The following RBM33 variants were observed in gnomAD, a reference collection of about 807,000 sequenced individuals.
The protein encoded by RBM33 is RNA-binding protein 33.
RBM33 carries 28 observed loss-of-function variants against 132.6 expected under a neutral mutation model. The ratio of observed to expected loss-of-function variants is 0.21; its 90% CI spans 0.16 to 0.29. RBM33 has a LOEUF of 0.29. Ranked by LOEUF, RBM33 falls within the 10% of genes least tolerant of loss-of-function variation. The pLI is 1.00. For synonymous variants in RBM33, 634 were observed against 593.0 expected (o/e 1.07, Z -1.01); for missense variants, 1,291 against 1,518.5 (o/e 0.85, Z 2.49).
chr7:155,738,447 T>C (rs577890634), intron 11 of RBM33, 44 bp downstream of exon 11: 66 of 1,532,476 alleles, frequency 4.3e-5, no homozygotes, highest in Non-Finnish European at 5.5e-5. Flanking sequence ...ATGTGTAGCT[T>C]CAAGGCTTTG....
At chr7:155,728,726 T>TG (rs1800865431) in intron 9 of RBM33, among the ~76,000 whole-genome samples, 1 of 152,170 alleles carries the variant, frequency 6.6e-6, no homozygotes, top group African/African-American at 2.4e-5. Flanking sequence ...CTTACATATG[T>TG]GATGATAAAA....
At chr7:155,682,831 T>G (rs2116926856) in intron 5 of RBM33, among the ~76,000 whole-genome samples, 1 of 152,338 alleles carries the variant, frequency 6.6e-6, no homozygotes, top group East Asian at 1.9e-4. Context: ...CTCTCTGGTA[T>G]TCCATTGTCA....
At position 155,680,598 on chromosome 7, in the gene RBM33, G is replaced by T. The variant is rs1339506155; in HGVS notation, c.257G>T (p.Gly86Val). The change falls in exon 5 of 18, where the codon GGT becomes GTT. Residue 86 changes from glycine (G) to valine (V), a missense_variant. Gly to Val is a moderately radical substitution (Grantham distance 109, BLOSUM62 -3). Around this residue, in one of 7 missense-constraint regions of RBM33, gnomAD observed 194 missense variants for 249.8 expected, o/e 0.78. Transcript: ENST00000401878. Reference protein sequence around the residue: ...NEDEENFSSQGVTISLNATSG... With the variant: ...NEDEENFSSQVVTISLNATSG... ...ATTTTCGTCCTCTCTAGTTCTCAGG[G>T]TGTTACAATTAGTCTGAATGCTACA... The T allele has an allele frequency of 2.5e-6, 4 of 1,592,820 alleles. No individual in the cohort carries two copies. The highest frequency in any genetic ancestry group is 1.3e-5 in the African/African-American group (1 of 74,632).
chr7:155,771,888 C>T (rs753107912), intron 16 of RBM33, among the ~76,000 whole-genome samples: 30 of 152,104 alleles, frequency 2.0e-4, no homozygotes, highest in Non-Finnish European at 3.5e-4. Context: ...TAGAGGTGTA[C>T]ACCACTGGGC....
At chr7:155,741,541 C>G (rs987082094) in intron 12 of RBM33, among the ~76,000 whole-genome samples, 3 of 152,132 alleles carry the variant, frequency 2.0e-5, no homozygotes, top group Admixed American at 6.5e-5. Flanking sequence ...TGCTAAAGAT[C>G]AGCCTGGTGT....
chr7:155,718,404 G>T lies in RBM33; in HGVS notation c.1221G>T (p.Pro407=). The change falls in exon 9 of 18, where the codon CCG becomes CCT. Residue 407 remains proline, a synonymous_variant. Transcript: ENST00000401878. ...TTGCAGTGCCCTTGCTACCAGTTCC[G>T]AGCCAGCCGAGACCTGCCGTGGGAC... The part of the protein sequence containing the change: ...TPVQVPLLPV[P]SQPRPAVGPQ... The T allele has an allele frequency of 6.2e-7, 1 of 1,613,762 alleles. No homozygotes were observed. The highest frequency in any genetic ancestry group is 1.1e-5 in the South Asian group (1 of 91,058).
intron 12 of RBM33, among the ~76,000 whole-genome samples, chr7:155,741,154 G>T (rs1801319209): frequency 6.6e-6 from 1 of 152,106 alleles, no homozygotes; most frequent in Non-Finnish European, 1.5e-5. Flanking sequence ...ATAATGGTAG[G>T]CTAGTCTCAT....
intron 5 of RBM33, among the ~76,000 whole-genome samples, chr7:155,697,518 T>G (rs1799828238): frequency 6.6e-6 from 1 of 152,150 alleles, no homozygotes; most frequent in Non-Finnish European, 1.5e-5. Context: ...CATTAAAAAC[T>G]TAGTGAGCTT....
At chr7:155,663,503 A>G (rs1185245610) in intron 1 of RBM33, among the ~76,000 whole-genome samples, 2 of 152,160 alleles carry the variant, frequency 1.3e-5, no homozygotes, top group Non-Finnish European at 2.9e-5. Flanking sequence ...TACAACAACC[A>G]GATATCCAGA....
At chr7:155,683,035 A>G (rs1799378759) in intron 5 of RBM33, among the ~76,000 whole-genome samples, 1 of 151,732 alleles carries the variant, frequency 6.6e-6, no homozygotes, top group Non-Finnish European at 1.5e-5. Context: ...AAATTCTGGA[A>G]GTGTTCTGAT....
intron 16 of RBM33, among the ~76,000 whole-genome samples, chr7:155,772,893 G>A (rs1802477351): frequency 6.6e-6 from 1 of 152,074 alleles, no homozygotes; most frequent in Admixed American, 6.5e-5. Context: ...ACCTTTTTCG[G>A]GAGTGTTTGA....
intron 1 of RBM33, among the ~76,000 whole-genome samples, chr7:155,657,300 A>G (rs980929179): frequency 1.2e-4 from 18 of 152,288 alleles, no homozygotes; most frequent in African/African-American, 4.3e-4. Context: ...GCGCTGATGC[A>G]CAGTGTGAGA....
At chr7:155,680,442 CT>C (rs1360402573) in intron 4 of RBM33, 147 bp from the exon 5 acceptor site, 29 of 642,952 alleles carry the variant, frequency 4.5e-5, no homozygotes, top group Non-Finnish European at 5.8e-5. Context: ...ATTTTGAGTA[CT>C]GTTGGAGTTA....
chr7:155,658,567 G>A (rs1232475251), intron 1 of RBM33, among the ~76,000 whole-genome samples: 4 of 151,806 alleles, frequency 2.6e-5, no homozygotes, highest in Non-Finnish European at 5.9e-5. Context: ...AGCCTGGCTA[G>A]TTTTTGTATT....
rs370947427 is a variant in RBM33 at position 155,710,838 on chromosome 7, TG to T, written c.949-364del. On this transcript the variant is annotated intron_variant, in intron 7 of 17. Transcript: ENST00000401878. ...GATGCAAGGCTGCTACAGGGAGGGC[TG>T]TGGCAGCTGCTCTTCTGTCCCTGGC... is the stretch of plus-strand genomic sequence containing the variant. 4.3e-3 allele frequency among the ~76,000 whole-genome samples: 646 copies of T among 151,974 alleles called. 8 individuals carry two copies. The highest frequency in any genetic ancestry group is 0.015 in the African/African-American group (613 of 41,426).
At chr7:155,728,751 C>G (rs1017600042) in intron 9 of RBM33, among the ~76,000 whole-genome samples, 6 of 152,146 alleles carry the variant, frequency 3.9e-5, no homozygotes, top group African/African-American at 1.4e-4. Flanking sequence ...TGATTAGGGA[C>G]TGATTAGGGA....
At chr7:155,716,873 C>T (rs1188700372) in intron 8 of RBM33, among the ~76,000 whole-genome samples, 1 of 152,060 alleles carries the variant, frequency 6.6e-6, no homozygotes, top group Non-Finnish European at 1.5e-5. Context: ...GAACTTCTGC[C>T]ATTTTTACAT....
intron 1 of RBM33, among the ~76,000 whole-genome samples, chr7:155,648,570 T>G (rs1798264809): frequency 6.6e-6 from 1 of 152,242 alleles, no homozygotes; most frequent in Non-Finnish European, 1.5e-5. Flanking sequence ...TAATCACTAA[T>G]AGTGCTGATA....
At chr7:155,670,161 G>T (rs1798907756) in intron 2 of RBM33, among the ~76,000 whole-genome samples, 1 of 152,192 alleles carries the variant, frequency 6.6e-6, no homozygotes, top group South Asian at 2.1e-4. Context: ...CTTTCAAAGA[G>T]CTCATTGTCT....
Sources: gnomAD v4.1 joint callset for allele counts (sites outside exome capture counted in the v4.1 genomes callset) on GRCh38, gnomAD v4.1.1 for gene constraint, gnomAD v4.1.1 regional missense constraint, MANE v1.5 for transcripts, NCBI Gene and HGNC (gene_info 2026-07-23, HGNC 2026-07-21) for gene names.